The following KCNMA1 variants were observed in gnomAD, a reference collection of about 807,000 sequenced individuals.
KCNMA1 encodes Calcium-activated potassium channel subunit alpha-1.
In KCNMA1, 29 loss-of-function variants were observed where a neutral mutation model predicts 140.0. The ratio of observed to expected loss-of-function variants is 0.21; its 90% CI spans 0.15 to 0.28. KCNMA1 has a LOEUF of 0.28. Among genes scored for constraint, KCNMA1 ranks in the 10% least tolerant of loss-of-function variants. KCNMA1 has a pLI of 1.00. For missense variants in KCNMA1, 880 were observed against 1,602.2 expected (o/e 0.55, Z 7.70); for synonymous variants, 612 against 611.9 (o/e 1.00, Z 0.00).
intron 1 of KCNMA1, among the ~76,000 whole-genome samples, chr10:77,507,474 T>C (rs1426326196): frequency 6.6e-6 from 1 of 152,196 alleles, no homozygotes; most frequent in Non-Finnish European, 1.5e-5. Flanking sequence ...TAAAAATCTC[T>C]GGACTAGAAC....
intron 2 of KCNMA1, among the ~76,000 whole-genome samples, chr10:77,265,054 CTT>C (rs796813897): frequency 6.8e-6 from 1 of 146,378 alleles, no homozygotes; most frequent in African/African-American, 2.5e-5. Flanking sequence ...TCAAAAGACT[CTT>C]TTTTTTTTTT....
At chr10:77,292,936 G>A (rs912241847) in intron 2 of KCNMA1, among the ~76,000 whole-genome samples, 33 of 152,322 alleles carry the variant, frequency 2.2e-4, no homozygotes, top group Admixed American at 9.1e-4. Flanking sequence ...CATCGAGGTG[G>A]CAGGATTTGG....
At chr10:76,926,833 G>A (rs111893432) in intron 23 of KCNMA1, among the ~76,000 whole-genome samples, 1 of 152,056 alleles carries the variant, frequency 6.6e-6, no homozygotes, top group South Asian at 2.1e-4. Flanking sequence ...TACAAGAGAT[G>A]CGCACCAAAT....
chr10:77,386,434 A>T (rs1400425888), intron 2 of KCNMA1, among the ~76,000 whole-genome samples: 2 of 152,222 alleles, frequency 1.3e-5, no homozygotes, highest in African/African-American at 2.4e-5. Flanking sequence ...TCTGAGAGTG[A>T]GTTACGGCCC....
Position 77,569,819 on chromosome 10 carries a change from A to T in KCNMA1, c.378+67446T>A, listed in dbSNP as rs1043740569. On this transcript the variant is annotated intron_variant, in intron 1 of 27. Transcript: ENST00000286628. The stretch of plus-strand genomic sequence containing the variant: ...CAGGCAACCTACAAAATGGGAGAAA[A>T]TTTTCACAACCTACTCATCTGACAA... Among the ~76,000 whole-genome samples, 4 of 152,184 alleles carry T rather than the reference A, an allele frequency of 2.6e-5. No individual in the cohort carries two copies. The South Asian group carries it at 8.3e-4, about 32-fold the overall frequency.
intron 20 of KCNMA1, among the ~76,000 whole-genome samples, chr10:76,963,626 CTG>C (rs1300009469): frequency 6.6e-6 from 1 of 152,168 alleles, no homozygotes; most frequent in Non-Finnish European, 1.5e-5. Flanking sequence ...CTCTGTGACT[CTG>C]TGGAACTCGA....
At chr10:77,327,819 T>G (rs1179351489) in intron 2 of KCNMA1, among the ~76,000 whole-genome samples, 1 of 152,194 alleles carries the variant, frequency 6.6e-6, no homozygotes, top group Non-Finnish European at 1.5e-5. Context: ...AAACCTGGCT[T>G]CTCTATGTAT....
intron 3 of KCNMA1, among the ~76,000 whole-genome samples, chr10:77,220,903 TA>T (rs1459940150): frequency 6.6e-6 from 1 of 152,174 alleles, no homozygotes; most frequent in Non-Finnish European, 1.5e-5. Flanking sequence ...GTTCTACAAA[TA>T]ATGTCCCTGG....
At chr10:77,242,743 G>T (rs2057580784) in intron 3 of KCNMA1, among the ~76,000 whole-genome samples, 1 of 152,090 alleles carries the variant, frequency 6.6e-6, no homozygotes, top group African/African-American at 2.4e-5. Flanking sequence ...TACACAGTTT[G>T]TACTCAGTGG....
intron 2 of KCNMA1, among the ~76,000 whole-genome samples, chr10:77,363,508 A>G (rs552280037): frequency 6.6e-5 from 10 of 152,126 alleles, no homozygotes; most frequent in Non-Finnish European, 1.3e-4. Flanking sequence ...CTTTTATTCA[A>G]TTCAACTTCA....
intron 2 of KCNMA1, among the ~76,000 whole-genome samples, chr10:77,361,625 C>T (rs1603409703): frequency 6.6e-6 from 1 of 152,266 alleles, no homozygotes; most frequent in South Asian, 2.1e-4. Flanking sequence ...CCCACTCCCA[C>T]TGCCGAGTCA....
intron 1 of KCNMA1, among the ~76,000 whole-genome samples, chr10:77,447,696 A>T: frequency 6.6e-6 from 1 of 152,144 alleles, no homozygotes; most frequent in East Asian, 1.9e-4. Context: ...GAGGTTTTGG[A>T]TCCTGGGATC....
intron 1 of KCNMA1, among the ~76,000 whole-genome samples, chr10:77,487,631 G>C (rs1313552694): frequency 6.6e-6 from 1 of 152,170 alleles, no homozygotes; most frequent in African/African-American, 2.4e-5. Context: ...ACTGTACTGT[G>C]AGTTCCTTGA....
intron 11 of KCNMA1, among the ~76,000 whole-genome samples, chr10:77,085,969 A>G (rs945139365): frequency 6.6e-6 from 1 of 152,204 alleles, no homozygotes; most frequent in Non-Finnish European, 1.5e-5. Context: ...ATTATCAATG[A>G]TATCAGATAA....
chr10:77,273,236 C>T (rs1039028712), intron 2 of KCNMA1, among the ~76,000 whole-genome samples: 3 of 152,238 alleles, frequency 2.0e-5, no homozygotes, highest in East Asian at 1.9e-4. Context: ...CTCTTATTCT[C>T]CCTTTGTTTC....
chr10:77,574,527 A>G (rs1253616732), intron 1 of KCNMA1, among the ~76,000 whole-genome samples: 2 of 152,210 alleles, frequency 1.3e-5, no homozygotes, highest in Admixed American at 1.3e-4. Flanking sequence ...AAAATCAAAA[A>G]GAAGTCTCGT....
intron 25 of KCNMA1, chr10:76,901,915 C>A (rs116085106): frequency 6.6e-6 from 1 of 152,194 alleles, no homozygotes; most frequent in South Asian, 2.1e-4. Context: ...TATTCGGATG[C>A]AGAAAAGGAC....
At chr10:77,233,874 C>T (rs2054489393) in intron 3 of KCNMA1, among the ~76,000 whole-genome samples, 1 of 152,104 alleles carries the variant, frequency 6.6e-6, no homozygotes, top group Admixed American at 6.6e-5. Flanking sequence ...CCAGTTAGCC[C>T]CACTTTGTTC....
intron 2 of KCNMA1, among the ~76,000 whole-genome samples, chr10:77,394,514 A>C (rs903030503): frequency 6.6e-6 from 1 of 152,212 alleles, no homozygotes; most frequent in Non-Finnish European, 1.5e-5. Flanking sequence ...AGCAGTGGGC[A>C]GGTGGATGGA....
Sources: gnomAD v4.1 joint callset for allele counts (sites outside exome capture counted in the v4.1 genomes callset) on GRCh38, gnomAD v4.1.1 for gene constraint, MANE v1.5 for transcripts, NCBI Gene and HGNC (gene_info 2026-07-23, HGNC 2026-07-21) for gene names.